GNG7: variants seen among roughly 807,000 people sequenced by gnomAD.
GNG7 encodes G protein subunit gamma 7.
In GNG7, 1 loss-of-function variant was observed where a neutral mutation model predicts 4.0. That is an observed-to-expected ratio of 0.25 (90% confidence interval 0.09 to 1.18). The LOEUF is 1.18. Ranked by LOEUF, GNG7 falls within the 50% of genes most tolerant of loss-of-function variation. The pLI is 0.50. For synonymous variants in GNG7, 34 were observed against 36.9 expected, an observed-to-expected ratio of 0.92 and a Z score of 0.29; for missense variants, 86 against 91.9, an observed-to-expected ratio of 0.94 and a Z score of 0.26.
At chr19:2,565,080 C>T (rs1373785150) in intron 2 of GNG7, among the ~76,000 whole-genome samples, 1 of 152,162 alleles carries the variant, frequency 6.6e-6, no homozygotes, top group African/African-American at 2.4e-5. Context: ...TTCTGTGTCT[C>T]CCTGTAGCCA....
At chr19:2,694,616 CA>C (rs1913202544) in intron 1 of GNG7, among the ~76,000 whole-genome samples, 1 of 151,972 alleles carries the variant, frequency 6.6e-6, no homozygotes, top group Non-Finnish European at 1.5e-5. Context: ...CAGTGTAAAT[CA>C]GGGGGACCCC....
intron 1 of GNG7, among the ~76,000 whole-genome samples, chr19:2,684,487 T>C (rs1332090360): frequency 6.6e-6 from 1 of 151,648 alleles, no homozygotes; most frequent in East Asian, 2.0e-4. Context: ...CAAGTGACCC[T>C]GGACGGATGC....
At chr19:2,556,132 T>A (rs915060580) in intron 2 of GNG7, among the ~76,000 whole-genome samples, 1 of 152,308 alleles carries the variant, frequency 6.6e-6, no homozygotes, top group East Asian at 1.9e-4. Context: ...GCCGAGGTCA[T>A]GGGGCCGGGA....
At chr19:2,637,990 G>A (rs1486799020) in intron 2 of GNG7, among the ~76,000 whole-genome samples, 1 of 152,180 alleles carries the variant, frequency 6.6e-6, no homozygotes, top group Non-Finnish European at 1.5e-5. Context: ...CAGGAGCTGG[G>A]GGTCCCCCTG....
chr19:2,550,202 G>T (rs975752127), intron 3 of GNG7, among the ~76,000 whole-genome samples: 8 of 152,154 alleles, frequency 5.3e-5, no homozygotes, highest in African/African-American at 1.7e-4. Context: ...CTCTCATCCA[G>T]CCCCCGTGGC....
rs941512965 is a variant in GNG7 at position 2,614,878 on chromosome 19, G to C, written c.-78+31346C>G. Reference sequence around the variant, plus strand: ...AACCACCAGACTGGTTTCCAAGGCGGCTGCCCCATCTTGCATCACACATCA... The same window carrying C: ...AACCACCAGACTGGTTTCCAAGGCGCCTGCCCCATCTTGCATCACACATCA... On this transcript the variant is annotated intron_variant, in intron 2 of 4. Transcript: ENST00000382159. The surrounding 1 kb of genome is among the most constrained non-coding windows in gnomAD (Gnocchi z 6.0). Among the ~76,000 whole-genome samples, 9 of 152,226 alleles carry C rather than the reference G, an allele frequency of 5.9e-5. No homozygotes were observed. Among genetic ancestry groups the C allele is most frequent in the African/African-American group, 9.7e-5 (4 of 41,446 alleles).
intron 2 of GNG7, among the ~76,000 whole-genome samples, chr19:2,555,585 T>G (rs1160047629): frequency 2.6e-5 from 4 of 152,186 alleles, no homozygotes. Flanking sequence ...CATCTCTGAT[T>G]TCTACTTTTA....
intron 2 of GNG7, among the ~76,000 whole-genome samples, chr19:2,623,757 TG>T (rs556976119): frequency 6.9e-4 from 105 of 152,282 alleles, no homozygotes; most frequent in African/African-American, 2.4e-3. Context: ...GGCAGGTGCC[TG>T]TAATTCCAGC....
chr19:2,614,668 G>A lies in GNG7; in HGVS notation c.-78+31556C>T, dbSNP rs541780755. Among the ~76,000 whole-genome samples the A allele has an allele frequency of 3.3e-5, 5 of 152,160 alleles. No individual in the cohort carries two copies. The highest frequency in any genetic ancestry group is 4.8e-5 in the African/African-American group (2 of 41,434). On this transcript the variant is annotated intron_variant, in intron 2 of 4. Coordinates refer to ENST00000382159, the MANE Select transcript of GNG7 (RefSeq NM_052847.3). This position sits in a 1 kb window ranked among gnomAD's most constrained non-coding sequence, Gnocchi z 6.0. ...CTCGTTCCAGTGTGTGGAGGGCCAC[G>A]CTGTTTATCTATTTACCCACGGACG...
At chr19:2,558,859 C>T (rs544017447) in intron 2 of GNG7, among the ~76,000 whole-genome samples, 35 of 150,706 alleles carry the variant, frequency 2.3e-4, no homozygotes, top group African/African-American at 8.5e-4. Context: ...AGTGCAATGG[C>T]GCGATCTCTG....
At chr19:2,651,463 TTC>T (rs1385448437) in intron 1 of GNG7, among the ~76,000 whole-genome samples, 2 of 145,032 alleles carry the variant, frequency 1.4e-5, no homozygotes, top group African/African-American at 5.1e-5. Context: ...CTCCCTCTCT[TTC>T]TCTTTTTCTT....
At position 2,557,262 on chromosome 19, in the gene GNG7, C is replaced by G. The variant is rs1213725613; in HGVS notation, c.-77-2074G>C. 6.7e-6 allele frequency among the ~76,000 whole-genome samples: 1 copy of G among 150,032 alleles called. No individual in the cohort carries two copies. The highest frequency in any genetic ancestry group is 2.5e-5 in the African/African-American group (1 of 39,594). ...GCACATGTGCACACACACGTGCACACACATTTGCACACACAGACACGTGCA... is the reference window on the plus strand; with the variant it reads ...GCACATGTGCACACACACGTGCACAGACATTTGCACACACAGACACGTGCA... On this transcript the variant is annotated intron_variant, in intron 2 of 4. Transcript: ENST00000382159. The surrounding 1 kb of genome is among the most constrained non-coding windows in gnomAD (Gnocchi z 5.1).
chr19:2,610,373 A>C (rs1260198050), intron 2 of GNG7: 1 of 147,952 alleles, frequency 6.8e-6, no homozygotes, highest in African/African-American at 2.5e-5. Flanking sequence ...TTTAAGACAG[A>C]GTCTTGCTCT....
chr19:2,559,905 C>G (rs1196795797), intron 2 of GNG7, among the ~76,000 whole-genome samples: 1 of 152,098 alleles, frequency 6.6e-6, no homozygotes, highest in South Asian at 2.1e-4. Context: ...TTCTCACCTA[C>G]CAGTTCCTCC....
intron 3 of GNG7, among the ~76,000 whole-genome samples, chr19:2,553,324 C>T (rs1979396445): frequency 1.3e-5 from 2 of 149,100 alleles, no homozygotes; most frequent in Admixed American, 6.7e-5. Flanking sequence ...AACAGATCAG[C>T]GATGGTTTCA....
intron 1 of GNG7, among the ~76,000 whole-genome samples, chr19:2,675,454 G>A (rs1264723469): frequency 6.6e-6 from 1 of 152,176 alleles, no homozygotes; most frequent in Non-Finnish European, 1.5e-5. Context: ...GTGCCGAGCA[G>A]GAGAGGTCGC....
chr19:2,602,413 C>A (rs1400084211), intron 2 of GNG7, among the ~76,000 whole-genome samples: 11 of 152,172 alleles, frequency 7.2e-5, no homozygotes, highest in Admixed American at 7.2e-4. Context: ...TCCCCTGTAC[C>A]CACCCCCTCC....
At chr19:2,686,160 A>AT (rs200980036) in intron 1 of GNG7, among the ~76,000 whole-genome samples, 12,318 of 143,186 alleles carry the variant, frequency 0.086, 937 homozygotes, top group African/African-American at 0.2. Flanking sequence ...CTGTCTCAGC[A>AT]TTTTTTTTTT....
At chr19:2,521,486 T>A (rs1978308193) in intron 3 of GNG7, among the ~76,000 whole-genome samples, 1 of 151,486 alleles carries the variant, frequency 6.6e-6, no homozygotes, top group Non-Finnish European at 1.5e-5. Context: ...ATTGCTCAGC[T>A]CCCTGCAGTG....
Sources: allele counts gnomAD v4.1 joint callset (sites outside exome capture counted in the v4.1 genomes callset), GRCh38; gene constraint gnomAD v4.1.1; non-coding constraint Gnocchi (gnomAD v3.1); transcripts MANE v1.5; gene names NCBI Gene and HGNC (gene_info 2026-07-23, HGNC 2026-07-21).